The following PTPRG variants were observed in gnomAD, a reference collection of about 807,000 sequenced individuals.
PTPRG encodes the protein receptor-type tyrosine-protein phosphatase gamma.
A neutral mutation model predicts 165.3 loss-of-function variants in PTPRG; 102 were observed. The ratio of observed to expected loss-of-function variants is 0.62; its 90% confidence interval spans 0.53 to 0.73. The LOEUF (loss-of-function observed/expected upper bound fraction) is 0.73. Ranked by LOEUF, PTPRG falls within the 30% of genes least tolerant of loss-of-function variation. The pLI, the probability that PTPRG is intolerant of heterozygous loss-of-function variation, is 0.00. For synonymous variants in PTPRG, 675 were observed against 669.5 expected, an observed-to-expected ratio of 1.01 and a Z score of -0.13; for missense variants, 1,866 against 1,861.4, an observed-to-expected ratio of 1.00 and a Z score of -0.05.
At chr3:61,775,171 A>G (rs759383624) in intron 2 of PTPRG, among the ~76,000 whole-genome samples, 4 of 152,116 alleles carry the variant, frequency 2.6e-5, no homozygotes, top group Non-Finnish European at 4.4e-5. Flanking sequence ...CCCAGGTTCA[A>G]TTGATTCTCC....
intron 1 of PTPRG, among the ~76,000 whole-genome samples, chr3:61,641,339 T>C (rs562160371): frequency 1.3e-5 from 2 of 152,312 alleles, no homozygotes; most frequent in South Asian, 2.1e-4. Context: ...GATGTTTCTA[T>C]TGGGGAACAA....
chr3:62,264,584 A>G (rs1387484134), intron 17 of PTPRG, among the ~76,000 whole-genome samples: 5 of 152,128 alleles, frequency 3.3e-5, no homozygotes, highest in African/African-American at 7.2e-5. Flanking sequence ...ATTTAGCGCA[A>G]TGATTTCAAC....
At position 62,219,010 on chromosome 3, in the gene PTPRG, G is replaced by A. The variant is rs78643468; in HGVS notation, c.2288+27G>A. 26,001 of 1,610,858 alleles carry A rather than the reference G, an allele frequency of 0.016. 276 individuals carry two copies. Among genetic ancestry groups the A allele is most frequent in the Non-Finnish European group, 0.02 (23,092 of 1,178,592 alleles). ...TAAGCCAGGCAGCACCTACAGCGTAGATTTGGGGGCCAGATGCTGGCCAGG... is the reference window on the plus strand; with the variant it reads ...TAAGCCAGGCAGCACCTACAGCGTAAATTTGGGGGCCAGATGCTGGCCAGG... On this transcript the variant is annotated intron_variant, in intron 13 of 29. Transcript: ENST00000474889. This position sits in a 1 kb window ranked among gnomAD's most constrained non-coding sequence, Gnocchi z 4.5.
At chr3:62,277,442 T>A in intron 25 of PTPRG, 109 bp from the exon 26 acceptor site, 2 of 1,247,038 alleles carry the variant, frequency 1.6e-6, no homozygotes, top group Non-Finnish European at 2.2e-6. Context: ...TCTCAATTAT[T>A]TTAGTGTAGT....
intron 4 of PTPRG, among the ~76,000 whole-genome samples, chr3:62,008,967 AACCAGTAAGGTCTGGAACTAC>A (rs1274901057): frequency 6.6e-6 from 1 of 152,160 alleles, no homozygotes; most frequent in Non-Finnish European, 1.5e-5. Flanking sequence ...TTCAGAAGGC[AACCAGTAAGGTCTGGAACTAC>A]ACCCTTAAAT....
chr3:61,837,747 A>G (rs536400563), intron 2 of PTPRG, among the ~76,000 whole-genome samples: 12 of 152,220 alleles, frequency 7.9e-5, no homozygotes, highest in Non-Finnish European at 1.2e-4. Context: ...AACCAGATGT[A>G]TTAGTCCATT....
At chr3:61,723,569 A>G (rs997926505) in intron 1 of PTPRG, among the ~76,000 whole-genome samples, 2 of 152,284 alleles carry the variant, frequency 1.3e-5, no homozygotes, top group African/African-American at 4.8e-5. Flanking sequence ...TTTAGAAGAG[A>G]TATATATTAT....
intron 19 of PTPRG, among the ~76,000 whole-genome samples, chr3:62,268,060 C>T (rs149411995): frequency 6.6e-6 from 1 of 152,146 alleles, no homozygotes; most frequent in African/African-American, 2.4e-5. Flanking sequence ...TCAATGTATC[C>T]TCTGTACATT....
At chr3:62,029,283 TC>T (rs1361435606) in intron 4 of PTPRG, among the ~76,000 whole-genome samples, 5 of 152,030 alleles carry the variant, frequency 3.3e-5, no homozygotes, top group Non-Finnish European at 7.4e-5. Flanking sequence ...CGAGTTAGAG[TC>T]CATTTGGAGA....
Position 62,267,420 on chromosome 3 carries a change from T to C in PTPRG, c.2667T>C (p.Ser889=). 6.2e-7 allele frequency: 1 copy of C among 1,604,890 alleles called. No homozygotes were observed. Among genetic ancestry groups the C allele is most frequent in the Non-Finnish European group, 8.5e-7 (1 of 1,173,150 alleles). Residue 889 remains serine, a synonymous_variant, in exon 18 of 30, where the codon AGT becomes AGC. Transcript: ENST00000474889. The part of the protein sequence containing the change: ...RYINILAYDH[S]RVKLRPLPGK... ...TCTTATCTTCTATAGATGATCACAG[T>C]AGGGTGAAGTTAAGACCTTTACCAG... is the stretch of plus-strand genomic sequence containing the variant.
intron 2 of PTPRG, among the ~76,000 whole-genome samples, chr3:61,761,941 T>G (rs1423662752): frequency 6.6e-6 from 1 of 152,152 alleles, no homozygotes; most frequent in African/African-American, 2.4e-5. Context: ...GCTGATGTTC[T>G]TCTTTTTAGC....
At chr3:61,662,013 A>G (rs923276887) in intron 1 of PTPRG, among the ~76,000 whole-genome samples, 2 of 152,204 alleles carry the variant, frequency 1.3e-5, no homozygotes, top group Non-Finnish European at 2.9e-5. Context: ...TGGTTAGCAC[A>G]CTAACAAATA....
At chr3:61,766,690 C>A (rs1015534496) in intron 2 of PTPRG, among the ~76,000 whole-genome samples, 2 of 151,522 alleles carry the variant, frequency 1.3e-5, no homozygotes, top group Non-Finnish European at 1.5e-5. Flanking sequence ...AATCTCTGGT[C>A]ACTGCAACCT....
intron 4 of PTPRG, among the ~76,000 whole-genome samples, chr3:62,034,123 G>A (rs1699865178): frequency 6.6e-6 from 1 of 152,142 alleles, no homozygotes; most frequent in East Asian, 1.9e-4. Flanking sequence ...GATTGGTTCT[G>A]CAACCCCCGC....
chr3:62,073,441 C>T (rs1404457821), intron 4 of PTPRG, among the ~76,000 whole-genome samples: 9 of 152,142 alleles, frequency 5.9e-5, no homozygotes, highest in Admixed American at 5.2e-4. Context: ...GGGATAAACC[C>T]GCATAAATGT....
intron 2 of PTPRG, among the ~76,000 whole-genome samples, chr3:61,800,842 C>T (rs530100748): frequency 6.6e-6 from 1 of 152,016 alleles, no homozygotes; most frequent in Non-Finnish European, 1.5e-5. Flanking sequence ...TAGGGTTTCG[C>T]CATGTTTGTC....
intron 4 of PTPRG, 83 bp from the exon 5 acceptor site, chr3:62,078,080 A>C: frequency 1.2e-6 from 1 of 860,000 alleles, no homozygotes; most frequent in Non-Finnish European, 1.8e-6. Flanking sequence ...CAACTGGGGA[A>C]TATACATTTA....
At chr3:62,211,772 T>C (rs1434118566) in intron 12 of PTPRG, among the ~76,000 whole-genome samples, 1 of 152,146 alleles carries the variant, frequency 6.6e-6, no homozygotes, top group African/African-American at 2.4e-5. Flanking sequence ...GTAGCAGAAG[T>C]TGAGCCCTTC....
chr3:62,139,967 T>A (rs977832760), intron 6 of PTPRG, among the ~76,000 whole-genome samples: 13 of 152,232 alleles, frequency 8.5e-5, no homozygotes, highest in Admixed American at 8.5e-4. Flanking sequence ...AAACTCCACA[T>A]CATTCATCTT....
Sources: allele counts gnomAD v4.1 joint callset (sites outside exome capture counted in the v4.1 genomes callset), GRCh38; gene constraint gnomAD v4.1.1; non-coding constraint Gnocchi (gnomAD v3.1); transcripts MANE v1.5; gene names NCBI Gene and HGNC (gene_info 2026-07-23, HGNC 2026-07-21).